Variants in ADAMTSL1 observed in about 807,000 individuals in gnomAD.
ADAMTSL1 encodes the protein ADAMTS like 1.
In ADAMTSL1, 126 loss-of-function variants were observed where a neutral mutation model predicts 201.8. The observed-to-expected ratio is 0.62, with a 90% CI of 0.54 to 0.72. The LOEUF (loss-of-function observed/expected upper bound fraction) is 0.72, where lower values mean the gene tolerates loss of function less well. Among genes scored for constraint, ADAMTSL1 ranks in the 30% least tolerant of loss-of-function variants. The pLI is 0.00. For missense variants in ADAMTSL1, 2,679 were observed against 2,277.8 expected, an observed-to-expected ratio of 1.18 and a Z score of -3.59; for synonymous variants, 1,121 against 903.4, an observed-to-expected ratio of 1.24 and a Z score of -4.32.
chr9:18,466,681 A>T (rs1821018286), intron 2 of ADAMTSL1, among the ~76,000 whole-genome samples: 1 of 152,102 alleles, frequency 6.6e-6, no homozygotes, highest in Non-Finnish European at 1.5e-5. Flanking sequence ...AATTAAATTT[A>T]GTTATAGGTT....
chr9:18,888,891 C>G (rs1292508892), intron 24 of ADAMTSL1, among the ~76,000 whole-genome samples: 1 of 152,298 alleles, frequency 6.6e-6, no homozygotes, highest in East Asian at 1.9e-4. Context: ...TGTTTTCAGA[C>G]AAGAAAACAA....
At chr9:17,965,130 T>C (rs534681603) in intron 1 of ADAMTSL1, among the ~76,000 whole-genome samples, 15 of 152,196 alleles carry the variant, frequency 9.9e-5, no homozygotes, top group Non-Finnish European at 2.1e-4. Flanking sequence ...AGAATGAAGA[T>C]AGAGTAAAAC....
intron 2 of ADAMTSL1, among the ~76,000 whole-genome samples, chr9:18,392,073 C>T (rs1428201281): frequency 2.6e-5 from 4 of 152,032 alleles, no homozygotes; most frequent in African/African-American, 7.2e-5. Flanking sequence ...ATCCGCCCGC[C>T]TCGGCCTCCC....
At chr9:18,443,637 G>T (rs1587232912) in intron 2 of ADAMTSL1, among the ~76,000 whole-genome samples, 1 of 152,174 alleles carries the variant, frequency 6.6e-6, no homozygotes, top group African/African-American at 2.4e-5. Flanking sequence ...TCAGTTCAGG[G>T]TGAATGAAAG....
chr9:18,283,607 T>TAA (rs34012085), intron 2 of ADAMTSL1, among the ~76,000 whole-genome samples: 6,848 of 60,500 alleles, frequency 0.11, 559 homozygotes, highest in Middle Eastern at 0.13. Flanking sequence ...AACTGTATCT[T>TAA]AAAAAAAAAA....
rs370300092 is a variant in ADAMTSL1, at chr9:18,776,996, C to A, written c.2767C>A (p.His923Asn). ...KDGQHLISSTHVTVAPFGYLK... is the reference protein window; with the variant it reads ...KDGQHLISSTNVTVAPFGYLK... ...CGGCCAGCACCTCATCAGCTCGACG[C>A]ACGTCACGGTGGCCCCCTTCGGCTA... The change falls in exon 19 of 29, where the codon CAC becomes AAC. Residue 923 changes from histidine to asparagine, a missense_variant. Transcript: ENST00000380548. 6 of 1,601,830 alleles carry A rather than the reference C, an allele frequency of 3.7e-6. No homozygotes were observed. Among genetic ancestry groups the A allele is most frequent in the Non-Finnish European group, 5.1e-6 (6 of 1,172,490 alleles).
intron 23 of ADAMTSL1, among the ~76,000 whole-genome samples, chr9:18,874,099 C>T (rs565004900): frequency 6.6e-6 from 1 of 152,048 alleles, no homozygotes; most frequent in African/African-American, 2.4e-5. Context: ...AGCTTGGTTG[C>T]TGTAGTTGTA....
chr9:18,863,260 C>CCTTA (rs1193520334), intron 23 of ADAMTSL1, among the ~76,000 whole-genome samples: 2 of 152,084 alleles, frequency 1.3e-5, no homozygotes, highest in African/African-American at 4.8e-5. Flanking sequence ...AAATGCAAGG[C>CCTTA]CTTAATCAAG....
intron 1 of ADAMTSL1, among the ~76,000 whole-genome samples, chr9:18,036,743 G>A (rs1288148002): frequency 6.6e-6 from 1 of 152,166 alleles, no homozygotes; most frequent in African/African-American, 2.4e-5. Context: ...TATGTGTTAA[G>A]ATTCTCCTGC....
intron 7 of ADAMTSL1, among the ~76,000 whole-genome samples, chr9:18,656,671 T>G (rs1361863572): frequency 4.0e-5 from 6 of 149,432 alleles, no homozygotes; most frequent in Non-Finnish European, 7.5e-5. Flanking sequence ...GAAAAACACT[T>G]AACAAATACT....
intron 1 of ADAMTSL1, among the ~76,000 whole-genome samples, chr9:17,959,818 T>C (rs980513445): frequency 6.6e-6 from 1 of 152,170 alleles, no homozygotes; most frequent in Non-Finnish European, 1.5e-5. Context: ...CATTGTGTCC[T>C]AGAGTGTGAC....
chr9:18,622,209 C>T (rs776500588), intron 4 of ADAMTSL1, 34 bp from the exon 5 acceptor site: 1 of 1,608,700 alleles, frequency 6.2e-7, no homozygotes, highest in Non-Finnish European at 8.5e-7. Context: ...TCGGTAGGTG[C>T]TTGGTTGAAT....
chr9:18,651,322 G>A (rs1471013160), intron 7 of ADAMTSL1: 4 of 152,196 alleles, frequency 2.6e-5, no homozygotes, highest in Non-Finnish European at 5.9e-5. Flanking sequence ...AGGTAGAAGA[G>A]TCCTCCTTAG....
rs561894720 is a variant in ADAMTSL1, at chr9:18,288,028, G to C, written c.207+124047G>C. ...TTGGATCATACCTAGGACTGGGCTT[G>C]AAAGAACTGAGCCTGAGCGGTGGCA... On this transcript the variant is annotated intron_variant, in intron 2 of 29. Coordinates refer to the ADAMTSL1 transcript ENST00000680146. Among the ~76,000 whole-genome samples the C allele has an allele frequency of 5.3e-5, 8 of 152,256 alleles. 1 individual carries two copies. In the South Asian group the frequency reaches 1.7e-3, roughly 32 times the overall value.
chr9:18,895,051 C>G (rs1393546613), intron 26 of ADAMTSL1, among the ~76,000 whole-genome samples: 1 of 152,180 alleles, frequency 6.6e-6, no homozygotes. Flanking sequence ...GGTGCATATT[C>G]AAACTTGACT....
At chr9:18,118,960 T>A (rs1587092318) in intron 1 of ADAMTSL1, among the ~76,000 whole-genome samples, 1 of 152,164 alleles carries the variant, frequency 6.6e-6, no homozygotes, top group Non-Finnish European at 1.5e-5. Flanking sequence ...ACATTTGTTA[T>A]TTTTGAGGGG....
chr9:17,974,792 A>T (rs148734261), intron 1 of ADAMTSL1, among the ~76,000 whole-genome samples: 1 of 152,162 alleles, frequency 6.6e-6, no homozygotes, highest in Non-Finnish European at 1.5e-5. Flanking sequence ...TTGAACACTT[A>T]GGTTGTTTCC....
At chr9:18,277,693 A>G (rs1362119172) in intron 2 of ADAMTSL1, among the ~76,000 whole-genome samples, 3 of 152,202 alleles carry the variant, frequency 2.0e-5, no homozygotes, top group Admixed American at 2.0e-4. Context: ...TCTTGTAGGC[A>G]AAATACAGTT....
chr9:18,299,047 G>A (rs1205602726), intron 2 of ADAMTSL1, among the ~76,000 whole-genome samples: 2 of 149,390 alleles, frequency 1.3e-5, no homozygotes, highest in African/African-American at 5.1e-5. Flanking sequence ...AATAATAGCC[G>A]CCGTTTTTGC....
Sources: gnomAD v4.1 joint callset for allele counts (sites outside exome capture counted in the v4.1 genomes callset) on GRCh38, gnomAD v4.1.1 for gene constraint, MANE v1.5 for transcripts, NCBI Gene and HGNC (gene_info 2026-07-23, HGNC 2026-07-21) for gene names.